GPC5: variants seen among roughly 807,000 people sequenced by gnomAD.
GPC5 encodes the protein glypican 5.
A neutral mutation model predicts 53.9 loss-of-function variants in GPC5; 47 were observed. The ratio of observed to expected loss-of-function variants is 0.87; its 90% CI spans 0.69 to 1.11. The LOEUF (loss-of-function observed/expected upper bound fraction) is 1.11. GPC5 is among the 50% of genes most tolerant of loss of function. The pLI, the probability that GPC5 is intolerant of heterozygous loss-of-function variation, is 0.00. For synonymous variants in GPC5, 286 were observed against 263.3 expected (o/e 1.09, Z -0.84); for missense variants, 748 against 713.1 (o/e 1.05, Z -0.56).
intron 7 of GPC5, among the ~76,000 whole-genome samples, chr13:92,711,369 T>C (rs1376669721): frequency 6.6e-6 from 1 of 152,156 alleles, no homozygotes; most frequent in African/African-American, 2.4e-5. Context: ...GTTGGTACAC[T>C]AAAGTGTTGT....
intron 2 of GPC5, among the ~76,000 whole-genome samples, chr13:91,630,641 G>T (rs377175447): frequency 6.6e-6 from 1 of 152,096 alleles, no homozygotes; most frequent in Non-Finnish European, 1.5e-5. Context: ...CCCAAAGAGG[G>T]CCTGTCCCCA....
intron 7 of GPC5, among the ~76,000 whole-genome samples, chr13:92,436,847 C>T (rs1329704199): frequency 1.3e-5 from 2 of 152,092 alleles, no homozygotes; most frequent in Admixed American, 1.3e-4. Context: ...AGCACTGTGC[C>T]TGACACACTT....
At chr13:92,277,181 T>C (rs2042881921) in intron 7 of GPC5, among the ~76,000 whole-genome samples, 1 of 152,030 alleles carries the variant, frequency 6.6e-6, no homozygotes, top group East Asian at 1.9e-4. Context: ...GTTTCATATT[T>C]TCTTCAAGAT....
intron 7 of GPC5, among the ~76,000 whole-genome samples, chr13:92,684,354 T>G (rs1465951272): frequency 6.6e-6 from 1 of 152,110 alleles, no homozygotes; most frequent in East Asian, 1.9e-4. Flanking sequence ...CACTACAACC[T>G]CCACCTCCTG....
rs1219805822 is a variant in GPC5, at chr13:92,126,615, G to T, written c.1402-18215G>T. On this transcript the variant is annotated intron_variant, in intron 6 of 7. Coordinates refer to ENST00000377067, the MANE Select transcript of GPC5 (RefSeq NM_004466.6). Reference sequence around the variant, plus strand: ...CAGCCATGCTCATTCATTATGTAATGTCTATGGCTTTGACAGAGACTGTGC... The same window carrying T: ...CAGCCATGCTCATTCATTATGTAATTTCTATGGCTTTGACAGAGACTGTGC... Among the ~76,000 whole-genome samples the T allele has an allele frequency of 3.9e-5, 6 of 152,250 alleles. No homozygotes were observed. In the South Asian group the frequency reaches 1.2e-3, roughly 32 times the overall value.
chr13:92,785,406 T>A (rs1594505829), intron 7 of GPC5, among the ~76,000 whole-genome samples: 1 of 152,176 alleles, frequency 6.6e-6, no homozygotes, highest in East Asian at 1.9e-4. Flanking sequence ...AAGGCATGTC[T>A]TGTGTTGGAG....
chr13:91,648,693 T>C (rs542914447), intron 2 of GPC5, among the ~76,000 whole-genome samples: 2 of 149,432 alleles, frequency 1.3e-5, no homozygotes, highest in African/African-American at 5.2e-5. Context: ...CCATAAAACA[T>C]ACATACACAT....
intron 5 of GPC5, among the ~76,000 whole-genome samples, chr13:91,880,538 T>C (rs552130570): frequency 6.6e-6 from 1 of 152,314 alleles, no homozygotes; most frequent in Admixed American, 6.5e-5. Context: ...TTTTGATTTG[T>C]AAAGTTTAAA....
intron 6 of GPC5, among the ~76,000 whole-genome samples, chr13:92,091,185 C>A (rs2041377606): frequency 6.6e-6 from 1 of 152,140 alleles, no homozygotes; most frequent in Non-Finnish European, 1.5e-5. Context: ...CTAGCCTGGG[C>A]ACCATAAGAA....
intron 7 of GPC5, among the ~76,000 whole-genome samples, chr13:92,727,137 A>G (rs891302679): frequency 1.3e-5 from 2 of 151,510 alleles, no homozygotes; most frequent in African/African-American, 2.4e-5. Context: ...TTAGGAGTTT[A>G]TGCAGAGCCC....
chr13:92,753,954 G>A (rs1232236584), intron 7 of GPC5, among the ~76,000 whole-genome samples: 3 of 150,872 alleles, frequency 2.0e-5, no homozygotes, highest in Non-Finnish European at 2.9e-5. Flanking sequence ...GCAGGCCAAC[G>A]TTCAGATTCA....
At chr13:91,555,418 C>T (rs1477324288) in intron 2 of GPC5, among the ~76,000 whole-genome samples, 1 of 150,772 alleles carries the variant, frequency 6.6e-6, no homozygotes. Flanking sequence ...TGACTAACTG[C>T]ACGTGTTTTA....
chr13:92,757,656 C>G (rs1302424318), intron 7 of GPC5, among the ~76,000 whole-genome samples: 2 of 150,438 alleles, frequency 1.3e-5, no homozygotes, highest in Admixed American at 6.6e-5. Flanking sequence ...ACAACCCCAT[C>G]AAAAAGTGGG....
intron 2 of GPC5, among the ~76,000 whole-genome samples, chr13:91,560,554 C>G (rs987569684): frequency 3.3e-5 from 5 of 152,100 alleles, no homozygotes; most frequent in African/African-American, 1.2e-4. Flanking sequence ...TAATTGGTCA[C>G]AGTGTCCATG....
chr13:91,718,723 A>G (rs2036400465), intron 3 of GPC5, among the ~76,000 whole-genome samples: 1 of 152,154 alleles, frequency 6.6e-6, no homozygotes, highest in Non-Finnish European at 1.5e-5. Context: ...CCCTCAGGGT[A>G]GAATTCCTCT....
intron 2 of GPC5, among the ~76,000 whole-genome samples, chr13:91,681,002 T>A (rs1397813179): frequency 2.0e-5 from 3 of 152,178 alleles, no homozygotes; most frequent in African/African-American, 4.8e-5. Flanking sequence ...TCAGTTTTTT[T>A]AAATAATACA....
chr13:92,139,171 T>A (rs2041808923), intron 6 of GPC5, among the ~76,000 whole-genome samples: 1 of 152,202 alleles, frequency 6.6e-6, no homozygotes, highest in Non-Finnish European at 1.5e-5. Flanking sequence ...TTATTCCTTA[T>A]TGGCGATAAG....
intron 5 of GPC5, among the ~76,000 whole-genome samples, chr13:91,768,437 G>A (rs2037563288): frequency 6.6e-6 from 1 of 152,080 alleles, no homozygotes; most frequent in Non-Finnish European, 1.5e-5. Context: ...CTGCAATTAT[G>A]TATAAAACTG....
At chr13:92,552,239 C>G (rs1028871455) in intron 7 of GPC5, among the ~76,000 whole-genome samples, 7 of 151,822 alleles carry the variant, frequency 4.6e-5, no homozygotes, top group African/African-American at 1.7e-4. Context: ...GGCAGCTTTT[C>G]CAGTGCTGTA....
Sources: allele counts gnomAD v4.1 joint callset (sites outside exome capture counted in the v4.1 genomes callset), GRCh38; gene constraint gnomAD v4.1.1; transcripts MANE v1.5; gene names NCBI Gene and HGNC (gene_info 2026-07-23, HGNC 2026-07-21).